The following MEIS3 variants were observed in gnomAD, a reference collection of about 807,000 sequenced individuals.
The protein encoded by MEIS3 is Meis homeobox 3, also known as homeobox protein Meis3.
In MEIS3, 38 loss-of-function variants were observed where a neutral mutation model predicts 51.4. The ratio of observed to expected loss-of-function variants is 0.74; its 90% CI spans 0.57 to 0.97. The LOEUF (loss-of-function observed/expected upper bound fraction) is 0.97. Ranked by LOEUF, MEIS3 falls within the 50% of genes least tolerant of loss-of-function variation. The probability of loss-of-function intolerance (pLI) is 0.00; values close to 1 mark genes in which losing one functional copy is unlikely to be tolerated. For synonymous variants in MEIS3, 198 were observed against 201.8 expected, an observed-to-expected ratio of 0.98 and a Z score of 0.16; for missense variants, 456 against 502.6, an observed-to-expected ratio of 0.91 and a Z score of 0.89.
In MEIS3 at chr19:47,409,483, G is replaced by C. The variant is rs1410663250; in HGVS notation, c.662C>G (p.Ser221Cys). The change falls in exon 7 of 13, where the codon TCC becomes TGC. Residue 221 changes from serine to cysteine, a missense_variant. Physicochemically the swap from Ser to Cys is moderately radical, Grantham distance 112. Transcript: ENST00000558555. ...ACTCTGGGAGGCCAGGCCCCCACTG[G>C]ATGGACCTGGGGTCCCCAAATGTAC... ...GSVHLGTPGP[S>C]SGGLASQSGD... The C allele has an allele frequency of 6.2e-7, 1 of 1,614,072 alleles. No individual in the cohort carries two copies. Among genetic ancestry groups the C allele is most frequent in the South Asian group, 1.1e-5 (1 of 91,086 alleles).
chr19:47,409,834 G>A (rs1292184420), intron 6 of MEIS3, among the ~76,000 whole-genome samples: 1 of 148,414 alleles, frequency 6.7e-6, no homozygotes, highest in East Asian at 2.0e-4. Flanking sequence ...CTGCACTCCA[G>A]CCTGGGTGAC....
chr19:47,413,407 A>AT (rs1355033292), intron 6 of MEIS3, among the ~76,000 whole-genome samples: 1 of 151,954 alleles, frequency 6.6e-6, no homozygotes, highest in African/African-American at 2.4e-5. Flanking sequence ...CAAAAAAAAA[A>AT]AAAAATGTCT....
intron 6 of MEIS3, among the ~76,000 whole-genome samples, chr19:47,410,683 A>G (rs1056487541): frequency 1.3e-5 from 2 of 151,716 alleles, no homozygotes; most frequent in African/African-American, 2.4e-5. Context: ...GGAGAATGGC[A>G]TGAACCTGGG....
At position 47,406,879 on chromosome 19, in the gene MEIS3, G is replaced by A; in HGVS notation, c.1078+9C>T. On this transcript the variant is annotated intron_variant, in intron 11 of 12. Transcript: ENST00000558555. ...AGGGGCGGGGCCTAGCTAAGGGGGC[G>A]AGGCTTACCCGGAGGCCGGACGGCC... 4 of 1,564,564 alleles carry A rather than the reference G, an allele frequency of 2.6e-6. No homozygotes were observed. Among genetic ancestry groups the A allele is most frequent in the Non-Finnish European group, 3.5e-6 (4 of 1,157,872 alleles).
intron 9 of MEIS3, 59 bp downstream of exon 9, chr19:47,407,293 G>A: frequency 6.3e-7 from 1 of 1,579,716 alleles, no homozygotes; most frequent in Non-Finnish European, 8.6e-7. Context: ...CGTCAGCACC[G>A]CGGACAGCGC....
At chr19:47,414,469 T>A (rs1265065115) in intron 6 of MEIS3, among the ~76,000 whole-genome samples, 1 of 152,088 alleles carries the variant, frequency 6.6e-6, no homozygotes, top group Non-Finnish European at 1.5e-5. Context: ...TGGACCTGTG[T>A]GGGTGTAGCT....
chr19:47,420,940 A>ACACTCTCTCTCTCTCTCTCTCTCT (rs1187725467), upstream of MEIS3, among the ~76,000 whole-genome samples: 2 of 90,972 alleles, frequency 2.2e-5, no homozygotes, highest in African/African-American at 1.1e-4. Flanking sequence ...ACACACACAC[A>ACACTCTCTCTCTCTCTCTCTCTCT]CTCTCTCTCT....
chr19:47,408,238 G>A (rs928889312), intron 8 of MEIS3, among the ~76,000 whole-genome samples: 2 of 150,032 alleles, frequency 1.3e-5, no homozygotes, highest in African/African-American at 4.9e-5. Flanking sequence ...GCAATCCTCC[G>A]GCCTCAGCCT....
rs541953594 is a variant in MEIS3, at chr19:47,403,999, C to T, written c.*18-446G>A. On this transcript the variant is annotated intron_variant, in intron 12 of 12. Coordinates refer to ENST00000558555, the MANE Select transcript of MEIS3 (RefSeq NM_001301059.2). Reference sequence around the variant, plus strand: ...GGGGGATCGCTTGAGCCCAGGAGTTCGAGACCAGCCTGGGGAACAAAGCGA... The same window carrying T: ...GGGGGATCGCTTGAGCCCAGGAGTTTGAGACCAGCCTGGGGAACAAAGCGA... Among the ~76,000 whole-genome samples, 423 of 151,990 alleles carry T rather than the reference C, an allele frequency of 2.8e-3. 3 individuals are homozygous for T. The highest frequency in any genetic ancestry group is 9.3e-3 in the African/African-American group (386 of 41,446).
intron 6 of MEIS3, among the ~76,000 whole-genome samples, chr19:47,412,539 C>G (rs1217456015): frequency 6.6e-6 from 1 of 151,966 alleles, no homozygotes; most frequent in African/African-American, 2.4e-5. Flanking sequence ...AGGCGCACGA[C>G]ATAACACCCA....
chr19:47,403,204 C>A lies in MEIS3; in HGVS notation c.*367G>T, dbSNP rs2122438909. 1 of 293,842 alleles carries A rather than the reference C, an allele frequency of 3.4e-6. No homozygotes were observed. The highest frequency in any genetic ancestry group is 2.3e-5 in the African/African-American group (1 of 43,250). The allele number at this position is 293,842 out of a possible 1,614,324, so 18.2% of individuals were successfully genotyped here. A position where few individuals can be genotyped will look rare whatever the true frequency, so the allele number is the denominator to read the frequency against. On this transcript the variant is annotated 3_prime_UTR_variant, in exon 13 of 13. Coordinates refer to ENST00000558555, the MANE Select transcript of MEIS3 (RefSeq NM_001301059.2). The stretch of plus-strand genomic sequence containing the variant: ...AGGGGGGACAGGAGAGTGAAGGAAT[C>A]TCTCCAAAATGTCGGATCCGGGCGA...
chr19:47,415,567 CTCTCTCTTT>C (rs1971367409), intron 4 of MEIS3, among the ~76,000 whole-genome samples: 1 of 131,882 alleles, frequency 7.6e-6, no homozygotes. Context: ...TCTTCTCTCT[CTCTCTCTTT>C]TTTTTTTTTT....
In MEIS3 at chr19:47,409,581, C is replaced by T. The variant is rs773363949; in HGVS notation, c.598-34G>A. The T allele has an allele frequency of 1.4e-4, 218 of 1,544,220 alleles. 1 individual carries two copies. The highest frequency in any genetic ancestry group is 1.8e-4 in the Non-Finnish European group (202 of 1,118,258). ...CAAGAGTTAGAAGTTAGTGCCAAGG[C>T]GGCCGGGCGCAGTGGCTCACGCCTG... On this transcript the variant is annotated intron_variant, in intron 6 of 12. Coordinates refer to ENST00000558555, the MANE Select transcript of MEIS3 (RefSeq NM_001301059.2).
At chr19:47,420,940 A>ACACACACTCTCTCTCTCT (rs1187725467), upstream of MEIS3, among the ~76,000 whole-genome samples, 72 of 90,926 alleles carry the variant, frequency 7.9e-4, 1 homozygote, top group South Asian at 2.3e-3. Flanking sequence ...ACACACACAC[A>ACACACACTCTCTCTCTCT]CTCTCTCTCT....
Position 47,414,705 on chromosome 19 carries a change from TC to T in MEIS3, c.597+11del. The T allele has an allele frequency of 6.3e-7, 1 of 1,581,594 alleles. No homozygotes were observed. The highest frequency in any genetic ancestry group is 1.8e-5 in the Admixed American group (1 of 54,952). ...GCTGCAGGACGATGCCTGGTGCCCG[TC>T]CCGGGCCCACCTGGTCTGGGAGGCT... is the stretch of plus-strand genomic sequence containing the variant. On this transcript the variant is annotated intron_variant, in intron 6 of 12. Transcript: ENST00000558555.
chr19:47,417,931 A>C, intron 1 of MEIS3: 2 of 563,992 alleles, frequency 3.5e-6, no homozygotes, highest in East Asian at 2.9e-5. Context: ...CCCCACACAC[A>C]CATGCACACA....
chr19:47,409,067 C>A (rs1970987017), intron 8 of MEIS3, 32 bp downstream of exon 8: 2 of 1,604,632 alleles, frequency 1.2e-6, no homozygotes, highest in Admixed American at 1.7e-5. Flanking sequence ...TCTCTCCATT[C>A]CCACCCTGCA....
At chr19:47,422,165 TC>T (rs1456909797), upstream of MEIS3, among the ~76,000 whole-genome samples, 1 of 150,150 alleles carries the variant, frequency 6.7e-6, no homozygotes, top group Non-Finnish European at 1.5e-5. Flanking sequence ...CCCCTTCCCC[TC>T]CCGCCCCACC....
At chr19:47,408,522 C>A (rs111708695) in intron 8 of MEIS3, among the ~76,000 whole-genome samples, 3 of 152,198 alleles carry the variant, frequency 2.0e-5, no homozygotes, top group African/African-American at 7.2e-5. Context: ...GGGATTCAGT[C>A]CGTCCCTGCC....
Sources: allele counts gnomAD v4.1 joint callset (sites outside exome capture counted in the v4.1 genomes callset), GRCh38; gene constraint gnomAD v4.1.1; transcripts MANE v1.5; gene names NCBI Gene and HGNC (gene_info 2026-07-23, HGNC 2026-07-21).